The following CYFIP1 variants were observed in gnomAD, a reference collection of about 807,000 sequenced individuals.
The protein encoded by CYFIP1 is cytoplasmic FMR1-interacting protein 1.
A neutral mutation model predicts 163.5 loss-of-function variants in CYFIP1; 58 were observed. That is an observed-to-expected ratio of 0.35 (90% CI 0.29 to 0.44). The LOEUF (loss-of-function observed/expected upper bound fraction) is 0.44. CYFIP1 is among the 20% of genes least tolerant of loss of function. The pLI, the probability that CYFIP1 is intolerant of heterozygous loss-of-function variation, is 1.00. For synonymous variants in CYFIP1, 663 were observed against 660.7 expected (o/e 1.00, Z -0.05); for missense variants, 1,338 against 1,653.8 (o/e 0.81, Z 3.31).
intron 1 of CYFIP1, chr15:22,951,515 C>G: frequency 7.8e-7 from 1 of 1,288,252 alleles, no homozygotes; most frequent in Non-Finnish European, 1.0e-6. Context: ...GTGCTTCGGC[C>G]CCATAGGGGC....
At chr15:22,978,016 C>T (rs746376499) in intron 1 of CYFIP1, among the ~76,000 whole-genome samples, 7 of 151,926 alleles carry the variant, frequency 4.6e-5, no homozygotes, top group Non-Finnish European at 8.8e-5. Flanking sequence ...TGTCAATCAA[C>T]AGGAGGCTGA....
chr15:22,872,020 G>A (rs2059444841), intron 30 of CYFIP1, among the ~76,000 whole-genome samples: 1 of 152,120 alleles, frequency 6.6e-6, no homozygotes. Flanking sequence ...ACAGGGCTGG[G>A]CGCGCCTGTA....
intron 22 of CYFIP1, among the ~76,000 whole-genome samples, chr15:22,894,436 T>A (rs1334944729): frequency 1.3e-5 from 2 of 151,632 alleles, no homozygotes; most frequent in Non-Finnish European, 2.9e-5. Context: ...ATTACAGGCA[T>A]GTGCCACCAA....
chr15:22,921,546 T>C (rs1407550047), intron 13 of CYFIP1, among the ~76,000 whole-genome samples: 1 of 151,716 alleles, frequency 6.6e-6, no homozygotes, highest in Non-Finnish European at 1.5e-5. Context: ...CCAGGCACAG[T>C]AGCTCACGCC....
chr15:22,938,836 G>A (rs1436498168), intron 8 of CYFIP1, among the ~76,000 whole-genome samples: 1 of 149,432 alleles, frequency 6.7e-6, no homozygotes, highest in Non-Finnish European at 1.5e-5. Context: ...CCAGGAGGTT[G>A]AGGCTATATT....
At chr15:22,951,528 C>A (rs778315669) in intron 1 of CYFIP1, 13 of 1,287,768 alleles carry the variant, frequency 1.0e-5, no homozygotes, top group Non-Finnish European at 1.3e-5. Context: ...ATAGGGGCTG[C>A]CCGTGTCCTG....
At chr15:22,913,527 C>CAAAAAAAAAAAAA (rs35228444) in intron 17 of CYFIP1, among the ~76,000 whole-genome samples, 3 of 10,286 alleles carry the variant, frequency 2.9e-4, no homozygotes, top group African/African-American at 3.9e-4. Flanking sequence ...GGCTCTGTCT[C>CAAAAAAAAAAAAA]AAAAAAAAAA....
chr15:22,980,176 G>GC (rs2063433954), intron 1 of CYFIP1, 111 bp downstream of exon 1: 2 of 137,624 alleles, frequency 1.5e-5, no homozygotes, highest in African/African-American at 2.6e-5. Flanking sequence ...GGTTGGGGGG[G>GC]AGGGGGGGGT....
Position 22,933,817 on chromosome 15 carries a change from T to C in CYFIP1, c.977A>G (p.Glu326Gly). Residue 326 changes from glutamate (E) to glycine (G), a missense_variant, in exon 10 of 31, where the codon GAG becomes GGG. Coordinates refer to ENST00000617928, the MANE Select transcript of CYFIP1 (RefSeq NM_014608.6). Reference sequence around the variant, plus strand: ...CTCCTCCTACCGAGATTTATTTTCCTCGTAGTGGGCGCTGGTCTTGATATA... The same window carrying C: ...CTCCTCCTACCGAGATTTATTTTCCCCGTAGTGGGCGCTGGTCTTGATATA... The part of the protein sequence containing the change: ...ARYIKTSAHY[E>G]ENKSRWTCTS... The C allele has an allele frequency of 6.2e-7, 1 of 1,613,092 alleles. No individual in the cohort carries two copies. Among genetic ancestry groups the C allele is most frequent in the Non-Finnish European group, 8.5e-7 (1 of 1,179,588 alleles).
chr15:22,958,719 T>C (rs976533984), intron 1 of CYFIP1, among the ~76,000 whole-genome samples: 3 of 152,186 alleles, frequency 2.0e-5, no homozygotes, highest in African/African-American at 4.8e-5. Context: ...CACTCACCTC[T>C]GCTTCTCTTC....
At chr15:22,873,802 TTTCTC>T (rs1378914185) in intron 28 of CYFIP1, 73 bp from the exon 29 acceptor site, 78 of 1,301,016 alleles carry the variant, frequency 6.0e-5, no homozygotes, top group Non-Finnish European at 7.9e-5. Flanking sequence ...CTATGTCTCT[TTTCTC>T]TTGAGACAGG....
Position 22,879,996 on chromosome 15 carries a change from C to T in CYFIP1, c.2959G>A (p.Ala987Thr), listed in dbSNP as rs1432698789. 1 of 1,613,822 alleles carries T rather than the reference C, an allele frequency of 6.2e-7. No individual in the cohort carries two copies. Among genetic ancestry groups the T allele is most frequent in the Non-Finnish European group, 8.5e-7 (1 of 1,179,960 alleles). The part of the protein sequence containing the change: ...HHQLKDIVEY[A>T]ELKTVCFQNL... ...TGGAAGCACACCGTCTTCAGCTCTG[C>T]GTACTCCACGATGTCCTTCAGCTGG... The change falls in exon 26 of 31, where the codon GCA becomes ACA. Residue 987 changes from alanine (A) to threonine (T), a missense_variant. Ala to Thr is a moderately conservative substitution (Grantham distance 58). This residue lies in a region of CYFIP1 where 22 missense variants were observed against 47.7 expected (regional missense o/e 0.46). Transcript: ENST00000617928.
chr15:22,939,503 C>T lies in CYFIP1; in HGVS notation c.574G>A (p.Ala192Thr), dbSNP rs754292874. The change falls in exon 7 of 31, where the codon GCT becomes ACT. Residue 192 changes from alanine (A) to threonine (T), a missense_variant. Ala to Thr is a moderately conservative substitution (Grantham distance 58). Transcript: ENST00000617928. ...KNDHSAYKRA[A>T]QFLRKMADPQ... ...TCTGCCATTTTACGTAAAAACTGAG[C>T]GGCCCTTTGAAAACAAAAAGAATTC... 1.9e-6 allele frequency: 3 copies of T among 1,601,474 alleles called. No homozygotes were observed. The highest frequency in any genetic ancestry group is 2.6e-6 in the Non-Finnish European group (3 of 1,175,070).
chr15:22,913,513 G>A (rs138150943), intron 17 of CYFIP1, among the ~76,000 whole-genome samples: 2,107 of 85,620 alleles, frequency 0.025, 97 homozygotes, highest in African/African-American at 0.093. Context: ...GGGTAACAGA[G>A]CAAGGCTCTG....
At chr15:22,873,445 T>C in intron 29 of CYFIP1, 46 bp downstream of exon 29, 1 of 1,509,442 alleles carries the variant, frequency 6.6e-7, no homozygotes, top group Admixed American at 1.7e-5. Flanking sequence ...CCCCCACAGC[T>C]CCTCCCCTCC....
chr15:22,958,387 A>G (rs1413208583), intron 1 of CYFIP1, among the ~76,000 whole-genome samples: 1 of 152,132 alleles, frequency 6.6e-6, no homozygotes, highest in South Asian at 2.1e-4. Context: ...TGCTTTCTTT[A>G]ATGCACAAAA....
intron 1 of CYFIP1, among the ~76,000 whole-genome samples, chr15:22,960,362 C>T (rs989592799): frequency 2.6e-5 from 4 of 152,214 alleles, no homozygotes; most frequent in African/African-American, 4.8e-5. Flanking sequence ...CCCATTTCAG[C>T]GGGCTCGTGC....
At chr15:22,946,886 A>T (rs2062080983) in intron 3 of CYFIP1, 117 bp downstream of exon 3, 1 of 877,714 alleles carries the variant, frequency 1.1e-6, no homozygotes, top group African/African-American at 1.7e-5. Context: ...CATTTCATTC[A>T]TTTTCTTCTC....
intron 23 of CYFIP1, among the ~76,000 whole-genome samples, chr15:22,885,274 T>G (rs1310960562): frequency 6.6e-6 from 1 of 152,196 alleles, no homozygotes; most frequent in Admixed American, 6.5e-5. Flanking sequence ...TCAAGTTCAA[T>G]GTACCACGTA....
Sources: allele counts gnomAD v4.1 joint callset (sites outside exome capture counted in the v4.1 genomes callset), GRCh38; gene constraint gnomAD v4.1.1; regional missense constraint gnomAD v4.1.1; transcripts MANE v1.5; gene names NCBI Gene and HGNC (gene_info 2026-07-23, HGNC 2026-07-21).